The following PHLPP1 variants were observed in gnomAD, a reference collection of about 807,000 sequenced individuals.
PHLPP1 encodes the protein PH domain leucine-rich repeat-containing protein phosphatase 1.
In PHLPP1, 42 loss-of-function variants were observed where a neutral mutation model predicts 117.2. The ratio of observed to expected loss-of-function variants is 0.36; its 90% CI spans 0.28 to 0.46. The LOEUF (loss-of-function observed/expected upper bound fraction) is 0.46, where lower values mean the gene tolerates loss of function less well. Among genes scored for constraint, PHLPP1 ranks in the 20% least tolerant of loss-of-function variants. PHLPP1 has a pLI of 1.00. For missense variants in PHLPP1, 2,084 were observed against 2,241.9 expected (o/e 0.93, Z 1.42); for synonymous variants, 1,042 against 970.7 (o/e 1.07, Z -1.37).
chr18:62,776,422 C>T (rs2144273681), intron 1 of PHLPP1, among the ~76,000 whole-genome samples: 1 of 152,270 alleles, frequency 6.6e-6, no homozygotes, highest in East Asian at 1.9e-4. Flanking sequence ...TACTTAAAGT[C>T]AACTGAGTGT....
At chr18:62,927,154 C>T (rs1014845305) in intron 10 of PHLPP1, among the ~76,000 whole-genome samples, 42 of 152,158 alleles carry the variant, frequency 2.8e-4, no homozygotes, top group African/African-American at 9.4e-4. Context: ...GACAAGTGAA[C>T]CAGAACATCA....
At chr18:62,928,627 TA>T (rs1909717636) in intron 10 of PHLPP1, among the ~76,000 whole-genome samples, 1 of 152,140 alleles carries the variant, frequency 6.6e-6, no homozygotes, top group Non-Finnish European at 1.5e-5. Flanking sequence ...TTAAACACAA[TA>T]TTACCCAGCA....
intron 1 of PHLPP1, among the ~76,000 whole-genome samples, chr18:62,750,714 G>C (rs1319261633): frequency 6.8e-6 from 1 of 147,786 alleles, no homozygotes; most frequent in Non-Finnish European, 1.5e-5. Context: ...GAATTTCCTA[G>C]TTGTTTTTTT....
chr18:62,740,328 T>C (rs897538810), intron 1 of PHLPP1, among the ~76,000 whole-genome samples: 1 of 152,206 alleles, frequency 6.6e-6, no homozygotes, highest in African/African-American at 2.4e-5. Flanking sequence ...TTTGATTTTT[T>C]TCTTATGACT....
At chr18:62,779,997 A>C (rs907208766) in intron 1 of PHLPP1, among the ~76,000 whole-genome samples, 1 of 152,170 alleles carries the variant, frequency 6.6e-6, no homozygotes, top group Non-Finnish European at 1.5e-5. Context: ...CTAATTTATA[A>C]AATAATAGAG....
chr18:62,898,795 TTTA>T (rs200823438), intron 6 of PHLPP1, among the ~76,000 whole-genome samples: 2 of 151,608 alleles, frequency 1.3e-5, no homozygotes, highest in Non-Finnish European at 2.9e-5. Context: ...TTTTGTTTTA[TTTA>T]TTATTATTAT....
intron 1 of PHLPP1, among the ~76,000 whole-genome samples, chr18:62,719,488 T>C (rs565585848): frequency 1.5e-4 from 23 of 152,178 alleles, no homozygotes; most frequent in Non-Finnish European, 2.8e-4. Context: ...ATAGTGAAGG[T>C]TTGCACCAGG....
chr18:62,846,562 A>G (rs949797870), intron 3 of PHLPP1, among the ~76,000 whole-genome samples: 2 of 152,134 alleles, frequency 1.3e-5, no homozygotes, highest in Non-Finnish European at 1.5e-5. Context: ...AAAAAAAGCT[A>G]AAGTAAATGA....
chr18:62,863,163 TTC>T (rs370493143), intron 4 of PHLPP1, among the ~76,000 whole-genome samples: 196 of 149,666 alleles, frequency 1.3e-3, no homozygotes, highest in Middle Eastern at 3.5e-3. Context: ...ACTTTTATGG[TTC>T]TCTCTCTCTC....
chr18:62,740,261 AT>A (rs1230238956), intron 1 of PHLPP1, among the ~76,000 whole-genome samples: 1 of 152,168 alleles, frequency 6.6e-6, no homozygotes, highest in Non-Finnish European at 1.5e-5. Context: ...TGTGCTTTCT[AT>A]TATATTCTGT....
At position 62,786,735 on chromosome 18, in the gene PHLPP1, T is replaced by C. The variant is rs145157687; in HGVS notation, c.1577-43300T>C. On this transcript the variant is annotated intron_variant, in intron 1 of 16. Coordinates refer to ENST00000262719, the MANE Select transcript of PHLPP1 (RefSeq NM_194449.4). ...TTAATAGTAGCTACACTTAGTAGAA[T>C]GATTTTGGTAAAAGGTTCACAGTCT... Among the ~76,000 whole-genome samples the C allele has an allele frequency of 5.9e-5, 9 of 152,348 alleles. No homozygotes were observed. In the East Asian group the frequency reaches 1.7e-3, roughly 29 times the overall value.
At chr18:62,834,601 G>A (rs949461224) in intron 2 of PHLPP1, among the ~76,000 whole-genome samples, 12 of 152,198 alleles carry the variant, frequency 7.9e-5, no homozygotes, top group African/African-American at 2.9e-4. Flanking sequence ...TGTTTTTCAG[G>A]GTCGATGTAC....
At chr18:62,940,354 C>CTTTTTTTTTTTTTTTTTTTTTTTTTT (rs66530466) in intron 10 of PHLPP1, among the ~76,000 whole-genome samples, 2 of 46,800 alleles carry the variant, frequency 4.3e-5, no homozygotes, top group Non-Finnish European at 7.3e-5. Flanking sequence ...TCTTTCTTTT[C>CTTTTTTTTTTTTTTTTTTTTTTTTTT]TTTTTTTTTT....
At chr18:62,943,335 C>T (rs747125365) in intron 11 of PHLPP1, among the ~76,000 whole-genome samples, 1 of 152,178 alleles carries the variant, frequency 6.6e-6, no homozygotes, top group Non-Finnish European at 1.5e-5. Flanking sequence ...TCACACAAGG[C>T]CCACACTTAA....
chr18:62,936,605 CA>C (rs1909975019), intron 10 of PHLPP1, among the ~76,000 whole-genome samples: 1 of 152,234 alleles, frequency 6.6e-6, no homozygotes, highest in Non-Finnish European at 1.5e-5. Flanking sequence ...AATAATAAGA[CA>C]TTGGCCTCAC....
chr18:62,882,192 AGGAATT>A (rs769295088), intron 4 of PHLPP1, among the ~76,000 whole-genome samples: 1 of 152,156 alleles, frequency 6.6e-6, no homozygotes, highest in African/African-American at 2.4e-5. Flanking sequence ...ACCACACGAA[AGGAATT>A]GGAATTTGAG....
chr18:62,820,407 G>A (rs1464210780), intron 1 of PHLPP1, among the ~76,000 whole-genome samples: 2 of 152,162 alleles, frequency 1.3e-5, no homozygotes, highest in Non-Finnish European at 2.9e-5. Flanking sequence ...AAGTACATAT[G>A]GAACATTGAT....
intron 1 of PHLPP1, among the ~76,000 whole-genome samples, chr18:62,786,760 T>A (rs1913299473): frequency 6.6e-6 from 1 of 152,246 alleles, no homozygotes; most frequent in African/African-American, 2.4e-5. Context: ...GTTCACAGTC[T>A]GCTCTGTGAA....
In PHLPP1 at chr18:62,860,570, C is replaced by G; in HGVS notation, c.2035C>G (p.Pro679Ala). Residue 679 changes from proline to alanine, a missense_variant, in exon 4 of 17, where the codon CCA becomes GCA. Pro to Ala is a conservative substitution (Grantham distance 27, BLOSUM62 -1). Coordinates refer to ENST00000262719, the MANE Select transcript of PHLPP1 (RefSeq NM_194449.4). ...QNFLRQNPSL[P>A]AARGLNELQR... ...CTTCCTAAGGCAGAACCCTAGCCTT[C>G]CAGCTGCCAGGGGGCTTAATGAACT... The G allele has an allele frequency of 6.2e-7, 1 of 1,613,302 alleles. No homozygotes were observed. The highest frequency in any genetic ancestry group is 8.5e-7 in the Non-Finnish European group (1 of 1,179,640).
Sources: allele counts gnomAD v4.1 joint callset (sites outside exome capture counted in the v4.1 genomes callset), GRCh38; gene constraint gnomAD v4.1.1; transcripts MANE v1.5; gene names NCBI Gene and HGNC (gene_info 2026-07-23, HGNC 2026-07-21).